Variants in FAT4 observed in about 807,000 individuals in gnomAD.
FAT4 encodes the protein protocadherin Fat 4.
Under a neutral mutation model 303.9 loss-of-function variants are expected in FAT4, and 84 were observed. The ratio of observed to expected loss-of-function variants is 0.28; its 90% CI spans 0.23 to 0.33. The LOEUF is 0.33. Among genes scored for constraint, FAT4 ranks in the 10% least tolerant of loss-of-function variants. The pLI, the probability that FAT4 is intolerant of heterozygous loss-of-function variation, is 1.00. For synonymous variants in FAT4, 2,307 were observed against 2,298.8 expected, an observed-to-expected ratio of 1.00 and a Z score of -0.10; for missense variants, 6,005 against 6,146.8, an observed-to-expected ratio of 0.98 and a Z score of 0.77.
intron 6 of FAT4, 133 bp downstream of exon 6, chr4:125,415,939 C>T (rs1403765900): frequency 2.9e-6 from 2 of 683,516 alleles, no homozygotes; most frequent in African/African-American, 3.6e-5. Context: ...ATTGCAGATA[C>T]AGCAAATTTT....
At chr4:125,326,034 G>C (rs1206294767) in intron 2 of FAT4, among the ~76,000 whole-genome samples, 1 of 152,090 alleles carries the variant, frequency 6.6e-6, no homozygotes, top group Non-Finnish European at 1.5e-5. Flanking sequence ...AACCATTGGT[G>C]TGGGTAGTGA....
At chr4:125,429,918 A>G (rs1447055239) in intron 7 of FAT4, among the ~76,000 whole-genome samples, 3 of 152,116 alleles carry the variant, frequency 2.0e-5, no homozygotes, top group Admixed American at 2.0e-4. Context: ...TTCAAATAGG[A>G]TGTATCCACT....
At chr4:125,428,309 G>A (rs1725165171) in intron 7 of FAT4, among the ~76,000 whole-genome samples, 1 of 151,958 alleles carries the variant, frequency 6.6e-6, no homozygotes, top group African/African-American at 2.4e-5. Context: ...AAAAAAAAAA[G>A]TCTTATTTTA....
chr4:125,335,887 T>C (rs539165438), intron 2 of FAT4, among the ~76,000 whole-genome samples: 3 of 152,202 alleles, frequency 2.0e-5, no homozygotes, highest in African/African-American at 7.2e-5. Flanking sequence ...TTAATAAGTG[T>C]TGTGAGGAAA....
At chr4:125,379,985 C>T (rs1323393375) in intron 2 of FAT4, among the ~76,000 whole-genome samples, 1 of 152,112 alleles carries the variant, frequency 6.6e-6, no homozygotes, top group African/African-American at 2.4e-5. Flanking sequence ...CCTCCACCTC[C>T]AGAGTTCAAG....
chr4:125,486,504 T>A (rs919061973), intron 16 of FAT4, among the ~76,000 whole-genome samples: 1 of 152,124 alleles, frequency 6.6e-6, no homozygotes, highest in Non-Finnish European at 1.5e-5. Flanking sequence ...TGCCACTGCA[T>A]CCCCCTGCCA....
rs748266278 is a variant in FAT4 at position 125,450,283 on chromosome 4, C to A, written c.9273C>A (p.Phe3091Leu). 3.9e-5 allele frequency: 63 copies of A among 1,613,990 alleles called. No homozygotes were observed. The highest frequency in any genetic ancestry group is 5.1e-5 in the Non-Finnish European group (60 of 1,180,016). The change falls in exon 10 of 18, where the codon TTC becomes TTA. Residue 3091 changes from phenylalanine to leucine, a missense_variant. By Grantham distance (22) the Phe-to-Leu change is conservative. Transcript: ENST00000394329. Reference protein sequence around the residue: ...VTEENYHTPEFSQSHMSATIP... With the variant: ...VTEENYHTPELSQSHMSATIP... ...AGGAAAACTACCATACACCTGAATT[C>A]TCTCAAAGCCACATGAGTGCAACCA...
Position 125,454,713 on chromosome 4 carries a change from A to G in FAT4, c.11800+1903A>G, listed in dbSNP as rs1364556133. Among the ~76,000 whole-genome samples the G allele has an allele frequency of 2.0e-5, 3 of 152,080 alleles. No individual in the cohort carries two copies. The East Asian group carries it at 5.8e-4, about 29-fold the overall frequency. ...CTGGGCGTGGTGGCAGGTGCCTGTAATCTCAGCTACTCAGGAGACTGAGGC... is the reference window on the plus strand; with the variant it reads ...CTGGGCGTGGTGGCAGGTGCCTGTAGTCTCAGCTACTCAGGAGACTGAGGC... On this transcript the variant is annotated intron_variant, in intron 10 of 17. Coordinates refer to ENST00000394329, the MANE Select transcript of FAT4 (RefSeq NM_001291303.3).
intron 5 of FAT4, among the ~76,000 whole-genome samples, chr4:125,413,283 C>T (rs1399626720): frequency 6.6e-6 from 1 of 151,730 alleles, no homozygotes; most frequent in Non-Finnish European, 1.5e-5. Flanking sequence ...CTGTTTCTTT[C>T]CTGCGGGTGA....
chr4:125,358,828 G>A (rs1192421691), intron 2 of FAT4, among the ~76,000 whole-genome samples: 1 of 152,066 alleles, frequency 6.6e-6, no homozygotes, highest in Non-Finnish European at 1.5e-5. Flanking sequence ...GGGGTTATGG[G>A]TTTGAGGAGC....
At chr4:125,441,882 A>G (rs893100458) in intron 8 of FAT4, among the ~76,000 whole-genome samples, 2 of 152,156 alleles carry the variant, frequency 1.3e-5, no homozygotes, top group African/African-American at 4.8e-5. Flanking sequence ...GGTTTGCTCA[A>G]TTTATTCTAT....
chr4:125,415,706 T>G lies in FAT4; in HGVS notation c.6743T>G (p.Val2248Gly). The G allele has an allele frequency of 6.2e-7, 1 of 1,614,054 alleles. No homozygotes were observed. The highest frequency in any genetic ancestry group is 8.5e-7 in the Non-Finnish European group (1 of 1,179,944). ...ACTGATACCTCCACGGTCAGCATTG[T>G]TCTACTGGATATTAATGACTTTGTT... Reference protein sequence around the residue: ...PRTDTSTVSIVLLDINDFVPV... With the variant: ...PRTDTSTVSIGLLDINDFVPV... The change falls in exon 6 of 18, where the codon GTT becomes GGT. Residue 2248 changes from valine to glycine, a missense_variant. Val to Gly is a moderately radical substitution (Grantham distance 109, BLOSUM62 -3). Coordinates refer to ENST00000394329, the MANE Select transcript of FAT4 (RefSeq NM_001291303.3).
chr4:125,335,928 C>T (rs750659560), intron 2 of FAT4, among the ~76,000 whole-genome samples: 2 of 151,864 alleles, frequency 1.3e-5, no homozygotes, highest in Non-Finnish European at 2.9e-5. Context: ...TGCATATTTT[C>T]CTAAAAGACT....
chr4:125,365,108 A>C (rs1732827696), intron 2 of FAT4, among the ~76,000 whole-genome samples: 1 of 152,178 alleles, frequency 6.6e-6, no homozygotes, highest in South Asian at 2.1e-4. Flanking sequence ...GAACCAAGGA[A>C]GATGGCTTAG....
chr4:125,355,919 T>A (rs1732406121), intron 2 of FAT4, among the ~76,000 whole-genome samples: 3 of 152,036 alleles, frequency 2.0e-5, no homozygotes, highest in Non-Finnish European at 4.4e-5. Flanking sequence ...ATTTTTTCTA[T>A]CACAGTTGCA....
chr4:125,428,829 A>G (rs943977106), intron 7 of FAT4, among the ~76,000 whole-genome samples: 3 of 152,104 alleles, frequency 2.0e-5, no homozygotes, highest in Admixed American at 6.5e-5. Context: ...AACCTCTACA[A>G]TTACAAGTTT....
chr4:125,448,057 G>A (rs1284162162), intron 9 of FAT4, among the ~76,000 whole-genome samples: 6 of 152,008 alleles, frequency 3.9e-5, no homozygotes, highest in African/African-American at 1.4e-4. Flanking sequence ...CTAGAGCAAC[G>A]GTATCATTGC....
At position 125,450,337 on chromosome 4, in the gene FAT4, T is replaced by A; in HGVS notation, c.9327T>A (p.Ile3109=). The A allele has an allele frequency of 6.2e-7, 1 of 1,614,112 alleles. No individual in the cohort carries two copies. The highest frequency in any genetic ancestry group is 1.3e-5 in the African/African-American group (1 of 75,054). The part of the protein sequence containing the change: ...TIPESHSIGS[I]VRTVSARDRD... The stretch of plus-strand genomic sequence containing the variant: ...CTGAGAGCCATAGCATTGGGTCCAT[T>A]GTCAGAACTGTTTCTGCAAGAGATA... Residue 3109 remains isoleucine (I), a synonymous_variant, in exon 10 of 18, where the codon ATT becomes ATA. Transcript: ENST00000394329.
intron 2 of FAT4, among the ~76,000 whole-genome samples, chr4:125,324,878 A>G (rs995599489): frequency 1.3e-5 from 2 of 152,160 alleles, no homozygotes; most frequent in Non-Finnish European, 2.9e-5. Flanking sequence ...TATTTTAAAT[A>G]TATAACATGT....
Sources: gnomAD v4.1 joint callset for allele counts (sites outside exome capture counted in the v4.1 genomes callset) on GRCh38, gnomAD v4.1.1 for gene constraint, MANE v1.5 for transcripts, NCBI Gene and HGNC (gene_info 2026-07-23, HGNC 2026-07-21) for gene names.